ANKFN1: variants seen among roughly 807,000 people sequenced by gnomAD.
ANKFN1 encodes the protein ankyrin repeat and fibronectin type III domain containing 1.
In ANKFN1, 74 loss-of-function variants were observed where a neutral mutation model predicts 108.7. The observed-to-expected ratio is 0.68, with a 90% CI of 0.56 to 0.83. The LOEUF (loss-of-function observed/expected upper bound fraction) is 0.83, where lower values mean the gene tolerates loss of function less well. Ranked by LOEUF, ANKFN1 falls within the 40% of genes least tolerant of loss-of-function variation. The pLI is 0.00. For synonymous variants in ANKFN1, 547 were observed against 516.2 expected, an observed-to-expected ratio of 1.06 and a Z score of -0.81; for missense variants, 1,505 against 1,382.3, an observed-to-expected ratio of 1.09 and a Z score of -1.41.
intron 1 of ANKFN1, among the ~76,000 whole-genome samples, chr17:56,188,819 T>G (rs1418886066): frequency 6.6e-6 from 1 of 151,742 alleles, no homozygotes; most frequent in Non-Finnish European, 1.5e-5. Flanking sequence ...CAACTCTTGA[T>G]GAGCTCCTAG....
intron 4 of ANKFN1, among the ~76,000 whole-genome samples, chr17:56,339,507 G>T (rs752430864): frequency 2.0e-5 from 3 of 151,946 alleles, no homozygotes; most frequent in Non-Finnish European, 4.4e-5. Flanking sequence ...TCCCCTCTAT[G>T]TGTCCATGTG....
intron 4 of ANKFN1, among the ~76,000 whole-genome samples, chr17:56,342,315 T>A (rs2045980476): frequency 6.6e-6 from 1 of 151,894 alleles, no homozygotes; most frequent in Non-Finnish European, 1.5e-5. Flanking sequence ...TCAGCTCTGA[T>A]TTTGGTTATT....
At chr17:56,274,458 G>A (rs1392533985) in intron 3 of ANKFN1, among the ~76,000 whole-genome samples, 1 of 152,134 alleles carries the variant, frequency 6.6e-6, no homozygotes, top group Non-Finnish European at 1.5e-5. Flanking sequence ...GGGCGACAGC[G>A]CGAGACTCCG....
chr17:56,510,568 C>T lies in ANKFN1; in HGVS notation c.2740C>T (p.Leu914=), dbSNP rs2051713607. Residue 914 remains leucine, a synonymous_variant, in exon 21 of 21, where the codon CTG becomes TTG. Transcript: ENST00000682825. ...DSSDALSPRD[L]DLVYLSSHDI... Reference sequence around the variant, plus strand: ...CAGCGATGCCCTGAGCCCCAGAGACCTGGACCTGGTCTACCTATCATCTCA... The same window carrying T: ...CAGCGATGCCCTGAGCCCCAGAGACTTGGACCTGGTCTACCTATCATCTCA... The T allele has an allele frequency of 2.0e-6, 3 of 1,536,088 alleles. No individual in the cohort carries two copies. The highest frequency in any genetic ancestry group is 2.4e-5 in the East Asian group (1 of 40,936).
At chr17:56,186,280 C>T (rs1912195652) in intron 1 of ANKFN1, among the ~76,000 whole-genome samples, 1 of 151,568 alleles carries the variant, frequency 6.6e-6, no homozygotes, top group Non-Finnish European at 1.5e-5. Flanking sequence ...GGGAGAGGGG[C>T]CGTGCCAGCC....
intron 4 of ANKFN1, among the ~76,000 whole-genome samples, chr17:56,111,521 CAA>C (rs201360564): frequency 5.2e-4 from 53 of 101,600 alleles, no homozygotes; most frequent in Non-Finnish European, 4.4e-4. Context: ...TCATAAATGG[CAA>C]AAAAAAAAAA....
intron 3 of ANKFN1, among the ~76,000 whole-genome samples, chr17:56,293,236 G>A (rs955629613): frequency 7.9e-5 from 12 of 152,080 alleles, no homozygotes; most frequent in Non-Finnish European, 1.3e-4. Context: ...TTGACAGATC[G>A]TTGCTGAAGA....
intron 4 of ANKFN1, among the ~76,000 whole-genome samples, chr17:56,337,634 G>A (rs1258084283): frequency 6.6e-6 from 1 of 152,120 alleles, no homozygotes; most frequent in Non-Finnish European, 1.5e-5. Flanking sequence ...CCATCAAAAA[G>A]TGGGCAAAGG....
At chr17:56,053,213 T>C (rs1349724831) in intron 4 of ANKFN1, among the ~76,000 whole-genome samples, 1 of 152,116 alleles carries the variant, frequency 6.6e-6, no homozygotes, top group Non-Finnish European at 1.5e-5. Context: ...ACATGAGATA[T>C]TTTGATATAG....
intron 4 of ANKFN1, among the ~76,000 whole-genome samples, chr17:56,142,497 C>T (rs780500612): frequency 2.0e-5 from 3 of 152,186 alleles, no homozygotes; most frequent in Non-Finnish European, 4.4e-5. Flanking sequence ...TGGCCAAGAA[C>T]TTTAATCATC....
intron 3 of ANKFN1, among the ~76,000 whole-genome samples, chr17:56,294,451 GA>G (rs2044452727): frequency 6.6e-6 from 1 of 152,190 alleles, no homozygotes; most frequent in African/African-American, 2.4e-5. Context: ...TATCAAAGAA[GA>G]AAACAGACTT....
intron 1 of ANKFN1, among the ~76,000 whole-genome samples, chr17:56,157,237 A>C (rs1909201361): frequency 6.6e-6 from 1 of 152,212 alleles, no homozygotes; most frequent in Non-Finnish European, 1.5e-5. Context: ...AGGGAATCCC[A>C]AATACTTGCT....
intron 18 of ANKFN1, among the ~76,000 whole-genome samples, chr17:56,485,937 T>G (rs2050842259): frequency 6.6e-6 from 1 of 152,212 alleles, no homozygotes; most frequent in Admixed American, 6.5e-5. Flanking sequence ...CAGGTAATAC[T>G]AATGCTGCTA....
chr17:56,220,261 A>G (rs1484662558), intron 2 of ANKFN1, among the ~76,000 whole-genome samples: 2 of 152,270 alleles, frequency 1.3e-5, no homozygotes, highest in African/African-American at 4.8e-5. Flanking sequence ...TAATGCAGAT[A>G]ATAAAATGAT....
At chr17:56,158,566 T>C (rs2143484880) in intron 1 of ANKFN1, among the ~76,000 whole-genome samples, 1 of 152,326 alleles carries the variant, frequency 6.6e-6, no homozygotes, top group Non-Finnish European at 1.5e-5. Context: ...GAACAGCCTC[T>C]GCTTTCTTGG....
chr17:56,444,822 A>T (rs2049230185), intron 10 of ANKFN1, among the ~76,000 whole-genome samples: 1 of 152,136 alleles, frequency 6.6e-6, no homozygotes, highest in Non-Finnish European at 1.5e-5. Context: ...ACATGGCTGA[A>T]CCAGGACTCT....
At chr17:56,456,776 G>A (rs2049719184) in intron 11 of ANKFN1, 85 bp from the exon 12 acceptor site, 1 of 1,064,560 alleles carries the variant, frequency 9.4e-7, no homozygotes, top group Admixed American at 1.8e-5. Flanking sequence ...ATGGGGGAGG[G>A]GAAGGCAGGA....
intron 3 of ANKFN1, among the ~76,000 whole-genome samples, chr17:56,231,802 T>C (rs1916756354): frequency 6.6e-6 from 1 of 152,188 alleles, no homozygotes; most frequent in African/African-American, 2.4e-5. Flanking sequence ...ACTGTGTGTG[T>C]GTTGTAAACA....
chr17:56,425,302 C>T lies in ANKFN1; in HGVS notation c.911-15025C>T, dbSNP rs959833504. 1.8e-4 allele frequency among the ~76,000 whole-genome samples: 28 copies of T among 152,238 alleles called. 1 individual carries two copies. The highest frequency in any genetic ancestry group is 6.5e-4 in the African/African-American group (27 of 41,540). On this transcript the variant is annotated intron_variant, in intron 8 of 20. Transcript: ENST00000682825. ...AAGTCAGGAAATTTCCTCCCCCTCA[C>T]AAAGGTGGAGATAATGTCCACAATT...
Sources: allele counts gnomAD v4.1 joint callset (sites outside exome capture counted in the v4.1 genomes callset), GRCh38; gene constraint gnomAD v4.1.1; transcripts MANE v1.5; gene names NCBI Gene and HGNC (gene_info 2026-07-23, HGNC 2026-07-21).